The following CALN1 variants were observed in gnomAD, a reference collection of about 807,000 sequenced individuals.
CALN1 encodes calcium-binding protein 8.
CALN1 carries 17 observed loss-of-function variants against 30.6 expected under a neutral mutation model. That is an observed-to-expected ratio of 0.56 (90% confidence interval 0.38 to 0.83). The LOEUF (loss-of-function observed/expected upper bound fraction) is 0.83, where lower values mean the gene tolerates loss of function less well. Among genes scored for constraint, CALN1 ranks in the 40% least tolerant of loss-of-function variants. The pLI is 0.00. For missense variants in CALN1, 291 were observed against 354.9 expected (o/e 0.82, Z 1.45); for synonymous variants, 156 against 131.4 (o/e 1.19, Z -1.28).
At chr7:72,353,129 C>T (rs1803026828) in intron 2 of CALN1, among the ~76,000 whole-genome samples, 1 of 152,106 alleles carries the variant, frequency 6.6e-6, no homozygotes, top group South Asian at 2.1e-4. Context: ...TAAACAAATT[C>T]CTCTGTGCCC....
chr7:71,878,003 C>T (rs886217211), intron 5 of CALN1, among the ~76,000 whole-genome samples: 2 of 152,168 alleles, frequency 1.3e-5, no homozygotes, highest in African/African-American at 4.8e-5. Flanking sequence ...ATTTCTGTTT[C>T]AGTAAGTCTG....
intron 3 of CALN1, among the ~76,000 whole-genome samples, chr7:72,220,430 T>C (rs1562757228): frequency 6.6e-6 from 1 of 151,868 alleles, no homozygotes; most frequent in South Asian, 2.1e-4. Context: ...ATTTTCTTAA[T>C]CCAGTCTATT....
intron 5 of CALN1, among the ~76,000 whole-genome samples, chr7:71,906,007 A>G (rs1794115515): frequency 6.6e-6 from 1 of 152,110 alleles, no homozygotes; most frequent in Non-Finnish European, 1.5e-5. Context: ...AAACCATTCA[A>G]TCTCATGAGA....
At chr7:72,287,155 T>G (rs1000812862) in intron 2 of CALN1, among the ~76,000 whole-genome samples, 1 of 152,192 alleles carries the variant, frequency 6.6e-6, no homozygotes, top group East Asian at 1.9e-4. Context: ...TCTTTGCTTA[T>G]TTTTTAAAGA....
chr7:72,248,391 G>T (rs918138924), intron 3 of CALN1, among the ~76,000 whole-genome samples: 1 of 152,078 alleles, frequency 6.6e-6, no homozygotes, highest in Non-Finnish European at 1.5e-5. Context: ...GAACCACCAC[G>T]CCCGGCCTCT....
At chr7:72,050,115 G>C (rs1020553564) in intron 4 of CALN1, among the ~76,000 whole-genome samples, 1 of 151,930 alleles carries the variant, frequency 6.6e-6, no homozygotes, top group Admixed American at 6.6e-5. Flanking sequence ...CCCCTCGCCC[G>C]GCCGAAGGTA....
rs78126117 is a variant in CALN1, at chr7:72,398,275, G to C, written c.119+4976C>G. Among the ~76,000 whole-genome samples the C allele has an allele frequency of 3.4e-3, 517 of 152,318 alleles. 3 individuals carry two copies. The highest frequency in any genetic ancestry group is 0.012 in the African/African-American group (506 of 41,572). The stretch of plus-strand genomic sequence containing the variant: ...AGTTTACAGGTCTTGTTTATGTGTA[G>C]ACTTTTTATAAGCTATTCAGAGCAG... On this transcript the variant is annotated intron_variant, in intron 2 of 6. Coordinates refer to ENST00000395275, the MANE Select transcript of CALN1 (RefSeq NM_031468.4).
chr7:71,977,829 G>C (rs1374619900), intron 5 of CALN1, among the ~76,000 whole-genome samples: 2 of 151,614 alleles, frequency 1.3e-5, no homozygotes, highest in Non-Finnish European at 2.9e-5. Flanking sequence ...CTAGTTGGGA[G>C]GTTGAGGAAG....
chr7:72,448,468 C>A (rs1324221699), upstream of CALN1, among the ~76,000 whole-genome samples: 1 of 152,128 alleles, frequency 6.6e-6, no homozygotes, highest in Non-Finnish European at 1.5e-5. Context: ...CCTGCTTGAG[C>A]AGCTGCTGGT....
intron 3 of CALN1, among the ~76,000 whole-genome samples, chr7:72,242,187 T>C (rs28572792): frequency 6.6e-5 from 10 of 152,292 alleles, no homozygotes; most frequent in African/African-American, 2.2e-4. Flanking sequence ...GGTGCACCCA[T>C]GCTGTAGTGT....
In CALN1 at chr7:71,946,995, T is replaced by G. The variant is rs183369869; in HGVS notation, c.501+76662A>C. 4.0e-5 allele frequency among the ~76,000 whole-genome samples: 6 copies of G among 151,598 alleles called. No homozygotes were observed. In the East Asian group the frequency reaches 9.8e-4, roughly 25 times the overall value. Reference sequence around the variant, plus strand: ...ATGCAGAAGCCACGTTTGGTGGGAGTTGTGTTTTTGTTGTTGTTGTTGTTT... The same window carrying G: ...ATGCAGAAGCCACGTTTGGTGGGAGGTGTGTTTTTGTTGTTGTTGTTGTTT... On this transcript the variant is annotated intron_variant, in intron 5 of 6. Transcript: ENST00000395275.
At chr7:72,182,746 T>A (rs1488138722) in intron 3 of CALN1, among the ~76,000 whole-genome samples, 7 of 123,480 alleles carry the variant, frequency 5.7e-5, no homozygotes, top group Non-Finnish European at 7.2e-5. Flanking sequence ...GAAAAAAAAA[T>A]GACAAAAATT....
At chr7:71,851,582 T>A (rs1220954459) in intron 5 of CALN1, among the ~76,000 whole-genome samples, 1 of 151,818 alleles carries the variant, frequency 6.6e-6, no homozygotes, top group African/African-American at 2.4e-5. Flanking sequence ...ATATATATAT[T>A]CACTAAAAGC....
At chr7:72,011,501 C>A (rs1485260382) in intron 5 of CALN1, among the ~76,000 whole-genome samples, 1 of 152,202 alleles carries the variant, frequency 6.6e-6, no homozygotes, top group African/African-American at 2.4e-5. Flanking sequence ...CTCTCCTGAA[C>A]CTGCCTTTGA....
the CALN1 span, among the ~76,000 whole-genome samples, chr7:72,458,155 A>ATATATATATTTAATATATTTT: frequency 7.5e-6 from 1 of 133,160 alleles, no homozygotes. Flanking sequence ...TAATATATTT[A>ATATATATATTTAATATATTTT]TATATATATT....
intron 5 of CALN1, among the ~76,000 whole-genome samples, chr7:71,930,035 T>A (rs1795467661): frequency 6.6e-6 from 1 of 152,204 alleles, no homozygotes; most frequent in South Asian, 2.1e-4. Context: ...TTAAATCACC[T>A]CTAGATTACT....
intron 2 of CALN1, among the ~76,000 whole-genome samples, chr7:72,333,278 CTG>C (rs1801794901): frequency 6.6e-6 from 1 of 152,228 alleles, no homozygotes; most frequent in Non-Finnish European, 1.5e-5. Context: ...CCCCACTAAT[CTG>C]TGAATTTTTT....
intron 3 of CALN1, among the ~76,000 whole-genome samples, chr7:72,222,225 CAAAAAAAGAAAA>C (rs1485043943): frequency 4.0e-5 from 4 of 100,288 alleles, no homozygotes; most frequent in Non-Finnish European, 8.0e-5. Context: ...GACTCCGTCT[CAAAAAAAGAAAA>C]AAAAAAAGAA....
At chr7:72,080,866 T>G (rs1180606035) in intron 4 of CALN1, among the ~76,000 whole-genome samples, 1 of 152,118 alleles carries the variant, frequency 6.6e-6, no homozygotes, top group Admixed American at 6.5e-5. Context: ...CGTGTTAGTG[T>G]GCGTATTACA....
Sources: gnomAD v4.1 joint callset for allele counts (sites outside exome capture counted in the v4.1 genomes callset) on GRCh38, gnomAD v4.1.1 for gene constraint, MANE v1.5 for transcripts, NCBI Gene and HGNC (gene_info 2026-07-23, HGNC 2026-07-21) for gene names.